P2RX4: variants seen among roughly 807,000 people sequenced by gnomAD.
P2RX4 encodes the protein P2X purinoceptor 4.
P2RX4 carries 37 observed loss-of-function variants against 48.0 expected under a neutral mutation model. The ratio of observed to expected loss-of-function variants is 0.77; its 90% CI spans 0.59 to 1.01. P2RX4 has a LOEUF of 1.01. Among genes scored for constraint, P2RX4 ranks in the 50% least tolerant of loss-of-function variants. The probability of loss-of-function intolerance (pLI) is 0.00; values close to 1 mark genes in which losing one functional copy is unlikely to be tolerated. For missense variants in P2RX4, 501 were observed against 521.4 expected, an observed-to-expected ratio of 0.96 and a Z score of 0.38; for synonymous variants, 200 against 199.7, an observed-to-expected ratio of 1.00 and a Z score of -0.01.
At chr12:121,225,341 T>G (rs1886912464) in intron 5 of P2RX4, among the ~76,000 whole-genome samples, 1 of 152,140 alleles carries the variant, frequency 6.6e-6, no homozygotes, top group African/African-American at 2.4e-5. Flanking sequence ...CCCAAAGTGC[T>G]GGGATTATAG....
chr12:121,213,317 A>G (rs1183591397), intron 1 of P2RX4: 1 of 152,098 alleles, frequency 6.6e-6, no homozygotes, highest in Admixed American at 6.6e-5. Flanking sequence ...AGGCCTACCT[A>G]TTTGGGAGGT....
intron 5 of P2RX4, among the ~76,000 whole-genome samples, chr12:121,224,739 T>A (rs892887325): frequency 1.3e-5 from 2 of 152,004 alleles, no homozygotes; most frequent in Non-Finnish European, 2.9e-5. Flanking sequence ...CGGGCAGCGC[T>A]CTGAGAAGTG....
At chr12:121,220,495 G>A (rs142125369) in intron 2 of P2RX4, among the ~76,000 whole-genome samples, 1 of 151,962 alleles carries the variant, frequency 6.6e-6, no homozygotes, top group Non-Finnish European at 1.5e-5. Context: ...AATTAGCCAG[G>A]TGTGGTGATG....
chr12:121,210,342 G>T, intron 1 of P2RX4, 44 bp downstream of exon 1: 12 of 1,432,230 alleles, frequency 8.4e-6, no homozygotes, highest in Non-Finnish European at 1.1e-5. Flanking sequence ...TGCTGCCCTC[G>T]CGTCCGCGCC....
intron 8 of P2RX4, among the ~76,000 whole-genome samples, chr12:121,230,201 G>A (rs531233137): frequency 3.3e-5 from 5 of 152,356 alleles, no homozygotes; most frequent in East Asian, 3.9e-4. Context: ...CCAGCATGGC[G>A]AAACCCCATC....
chr12:121,232,409 C>T lies in P2RX4; in HGVS notation c.885-5C>T, dbSNP rs776321183. On this transcript the variant is annotated splice_polypyrimidine_tract_variant and splice_region_variant and intron_variant, in intron 8 of 11. Transcript: ENST00000337233. This position sits in a 1 kb window ranked among gnomAD's most constrained non-coding sequence, Gnocchi z 4.3. ...CTCCCCCTGATCCATCCTCCTTCCCCTCAGGTTTGCCAAGTACTACAGAGA... is the reference window on the plus strand; with the variant it reads ...CTCCCCCTGATCCATCCTCCTTCCCTTCAGGTTTGCCAAGTACTACAGAGA... 4.3e-6 allele frequency: 7 copies of T among 1,609,372 alleles called. No individual in the cohort carries two copies. The highest frequency in any genetic ancestry group is 1.1e-5 in the South Asian group (1 of 90,990).
At chr12:121,228,104 T>C (rs1308955213) in intron 5 of P2RX4, among the ~76,000 whole-genome samples, 2 of 151,614 alleles carry the variant, frequency 1.3e-5, no homozygotes, top group Admixed American at 1.3e-4. Context: ...CAAAAATATA[T>C]ATAGGCTGGG....
intron 2 of P2RX4, among the ~76,000 whole-genome samples, chr12:121,219,226 GC>G (rs1241738868): frequency 2.6e-5 from 4 of 152,158 alleles, no homozygotes; most frequent in Middle Eastern, 3.2e-3. Flanking sequence ...TCCTCCTGTG[GC>G]CTTCTCCTTG....
In P2RX4 at chr12:121,229,803, C is replaced by G. The variant is rs1213443574; in HGVS notation, c.884+704C>G. Among the ~76,000 whole-genome samples the G allele has an allele frequency of 6.6e-6, 1 of 152,154 alleles. No homozygotes were observed. Among genetic ancestry groups the G allele is most frequent in the Admixed American group, 6.5e-5 (1 of 15,268 alleles). ...GGTGTTCCTTGGCTTGTGGATGCAT[C>G]ACTCCAGTCTCTGCCTCTCCTGTCA... On this transcript the variant is annotated intron_variant, in intron 8 of 11. Coordinates refer to ENST00000337233, the MANE Select transcript of P2RX4 (RefSeq NM_002560.3). This position sits in a 1 kb window ranked among gnomAD's most constrained non-coding sequence, Gnocchi z 4.6.
chr12:121,224,295 T>A (rs143671307), intron 5 of P2RX4, among the ~76,000 whole-genome samples: 1 of 152,094 alleles, frequency 6.6e-6, no homozygotes, highest in East Asian at 1.9e-4. Flanking sequence ...TTTGCTACAG[T>A]GTATTTTAAA....
At chr12:121,219,347 G>A (rs1020063510) in intron 2 of P2RX4, among the ~76,000 whole-genome samples, 5 of 152,184 alleles carry the variant, frequency 3.3e-5, no homozygotes, top group African/African-American at 1.2e-4. Flanking sequence ...GTTGGTTTCT[G>A]AGTTGCCCTG....
At chr12:121,226,337 AG>A (rs1886973606) in intron 5 of P2RX4, among the ~76,000 whole-genome samples, 1 of 151,820 alleles carries the variant, frequency 6.6e-6, no homozygotes, top group South Asian at 2.1e-4. Flanking sequence ...TGAGGCCAGG[AG>A]TTCAAAACCA....
rs1184622475 is a variant in P2RX4 at position 121,228,385 on chromosome 12, AATAT to A, written c.525-130_525-127del. ...TCCATCTCAAAAAAAAAAAAAAAAA[AATAT>A]ATATATATATATATATACACACACA... On this transcript the variant is annotated intron_variant, in intron 5 of 11. Transcript: ENST00000337233. 6.6e-3 allele frequency: 793 copies of A among 120,468 alleles called. 32 individuals carry two copies. Among genetic ancestry groups the A allele is most frequent in the Middle Eastern group, 0.016 (4 of 252 alleles). The allele number at this position is 120,468 out of a possible 1,614,324, so 7.5% of individuals were successfully genotyped here.
rs371356234 is a variant in P2RX4 at position 121,217,102 on chromosome 12, T to C, written c.135-32T>C. The C allele has an allele frequency of 3.1e-6, 5 of 1,610,994 alleles. No homozygotes were observed. In the African/African-American group the frequency reaches 4.0e-5, roughly 13 times the overall value. ...TCAATTCAAATCCATTGAATCCTAA[T>C]GGCAATTTAAGAGGCCTGTTTTATT... On this transcript the variant is annotated intron_variant, in intron 1 of 11. Transcript: ENST00000337233.
chr12:121,232,574 G>C lies in P2RX4; in HGVS notation c.979-37G>C, dbSNP rs940585777. 21 of 1,610,010 alleles carry C rather than the reference G, an allele frequency of 1.3e-5. No individual in the cohort carries two copies. The highest frequency in any genetic ancestry group is 1.8e-5 in the Non-Finnish European group (21 of 1,176,218). On this transcript the variant is annotated intron_variant, in intron 9 of 11. Transcript: ENST00000337233. The surrounding 1 kb of genome is among the most constrained non-coding windows in gnomAD (Gnocchi z 4.3). The stretch of plus-strand genomic sequence containing the variant: ...GGACAAGGGGCCTCTCCCTGCCCCT[G>C]CAGAAACACTTTTTTTCTTTTTCGG...
chr12:121,233,043 G>C lies in P2RX4; in HGVS notation c.1091G>C (p.Arg364Thr), dbSNP rs1052283602. 2 of 1,613,870 alleles carry C rather than the reference G, an allele frequency of 1.2e-6. No individual in the cohort carries two copies. Among genetic ancestry groups the C allele is most frequent in the Non-Finnish European group, 1.7e-6 (2 of 1,179,902 alleles). Residue 364 changes from arginine (R) to threonine (T), a missense_variant, in exon 11 of 12, where the codon AGA (arginine) becomes ACA (threonine). By Grantham distance (71) the Arg-to-Thr change is moderately conservative. This residue lies in a region of P2RX4 where 197 missense variants were observed against 219.5 expected (regional missense o/e 0.90). Coordinates refer to ENST00000337233, the MANE Select transcript of P2RX4 (RefSeq NM_002560.3). ...ATAGTCCTCTACTGCATGAAGAAAA[G>C]ACTCTACTATCGGGAGAAGAAATAT... The part of the protein sequence containing the change: ...DIIVLYCMKK[R>T]LYYREKKYKY...
intron 1 of P2RX4, chr12:121,216,572 G>A (rs1886237324): frequency 7.9e-6 from 2 of 254,098 alleles, no homozygotes; most frequent in Non-Finnish European, 1.6e-5. Flanking sequence ...TGTAATCCCA[G>A]CACTTTGGGA....
chr12:121,233,190 C>G (rs2071273), intron 11 of P2RX4, 98 bp downstream of exon 11: 45,847 of 832,030 alleles, frequency 0.055, 1,709 homozygotes, highest in South Asian at 0.11. Context: ...TCTGCAGAGG[C>G]TGGCACCAGT....
chr12:121,211,352 G>A (rs895372070), intron 1 of P2RX4, among the ~76,000 whole-genome samples: 7 of 151,402 alleles, frequency 4.6e-5, no homozygotes, highest in African/African-American at 1.5e-4. Flanking sequence ...ACAAGTGCCC[G>A]CCACCACGCC....
Sources: gnomAD v4.1 joint callset for allele counts (sites outside exome capture counted in the v4.1 genomes callset) on GRCh38, gnomAD v4.1.1 for gene constraint, gnomAD v4.1.1 regional missense constraint, Gnocchi (gnomAD v3.1) non-coding constraint, MANE v1.5 for transcripts, NCBI Gene and HGNC (gene_info 2026-07-23, HGNC 2026-07-21) for gene names.